Variants in BMAL2 observed in about 807,000 individuals in gnomAD.
BMAL2 encodes basic helix-loop-helix ARNT-like protein 2.
At chr12:27,375,055 T>C in the BMAL2 span, among the ~76,000 whole-genome samples, 2 of 152,194 alleles carry the variant, frequency 1.3e-5, no homozygotes, top group African/African-American at 4.8e-5. Flanking sequence ...TTTTTTTAAG[T>C]AGAAAAATAC....
the BMAL2 span, among the ~76,000 whole-genome samples, chr12:27,409,641 C>A: frequency 6.6e-6 from 1 of 152,114 alleles, no homozygotes; most frequent in African/African-American, 2.4e-5. Flanking sequence ...CCATGAAAAC[C>A]CTAGAAGAAA....
the BMAL2 span, among the ~76,000 whole-genome samples, chr12:27,406,316 G>A: frequency 6.6e-6 from 1 of 152,252 alleles, no homozygotes; most frequent in African/African-American, 2.4e-5. Flanking sequence ...TTGAAATGAA[G>A]GAAAAAATGT....
the BMAL2 span, among the ~76,000 whole-genome samples, chr12:27,339,995 A>G: frequency 6.6e-6 from 1 of 152,202 alleles, no homozygotes; most frequent in African/African-American, 2.4e-5. Flanking sequence ...GCTGGATATT[A>G]GATCTTTGTC....
the BMAL2 span, chr12:27,418,003 A>T: frequency 1.1e-6 from 1 of 895,584 alleles, no homozygotes; most frequent in Non-Finnish European, 1.6e-6. Flanking sequence ...AAAAAAATAA[A>T]AAATAAAAAG....
At chr12:27,409,072 C>T in the BMAL2 span, among the ~76,000 whole-genome samples, 1 of 152,050 alleles carries the variant, frequency 6.6e-6, no homozygotes, top group Non-Finnish European at 1.5e-5. Flanking sequence ...GAACTAGAAA[C>T]CACTGCTCAA....
At chr12:27,384,699 A>G in the BMAL2 span, among the ~76,000 whole-genome samples, 1 of 152,204 alleles carries the variant, frequency 6.6e-6, no homozygotes, top group Non-Finnish European at 1.5e-5. Context: ...AATCAGGCAT[A>G]TTAAGAGATT....
chr12:27,424,798 G>T, the BMAL2 span: 1 of 152,186 alleles, frequency 6.6e-6, no homozygotes. Context: ...CTGCTAAGTG[G>T]CCACTAGGTG....
the BMAL2 span, chr12:27,389,186 T>G: frequency 1.2e-6 from 2 of 1,605,534 alleles, no homozygotes; most frequent in South Asian, 1.1e-5. Context: ...TAGGCTAGTT[T>G]GACTGGACAA....
At chr12:27,420,000 C>T in the BMAL2 span, among the ~76,000 whole-genome samples, 20 of 144,062 alleles carry the variant, frequency 1.4e-4, no homozygotes, top group African/African-American at 5.0e-4. Context: ...TAAATTTTCT[C>T]CTTCCAGGGT....
chr12:27,334,181 C>G, the BMAL2 span, among the ~76,000 whole-genome samples: 2 of 152,076 alleles, frequency 1.3e-5, no homozygotes, highest in African/African-American at 4.8e-5. Context: ...TTAGGTAAAC[C>G]CTTTGTTGAA....
chr12:27,360,803 C>CAAAAAAAAAAAAA, the BMAL2 span, among the ~76,000 whole-genome samples: 86 of 46,790 alleles, frequency 1.8e-3, 19 homozygotes, highest in East Asian at 2.3e-3. Flanking sequence ...GTGATTTGTC[C>CAAAAAAAAAAAAA]AAAAAAAAAA....
the BMAL2 span, among the ~76,000 whole-genome samples, chr12:27,382,552 G>T: frequency 2.3e-4 from 35 of 152,178 alleles, no homozygotes; most frequent in African/African-American, 8.0e-4. Context: ...TTTTGCCTCA[G>T]CTCTGCTGAA....
At chr12:27,424,799 C>T in the BMAL2 span, 1 of 152,174 alleles carries the variant, frequency 6.6e-6, no homozygotes, top group Non-Finnish European at 1.5e-5. Context: ...TGCTAAGTGG[C>T]CACTAGGTGC....
At chr12:27,391,776 T>G in the BMAL2 span, among the ~76,000 whole-genome samples, 1 of 152,304 alleles carries the variant, frequency 6.6e-6, no homozygotes, top group Non-Finnish European at 1.5e-5. Flanking sequence ...CCCCCTACTC[T>G]GTGTTATACT....
the BMAL2 span, chr12:27,370,100 G>T: frequency 1.9e-6 from 3 of 1,540,054 alleles, no homozygotes; most frequent in South Asian, 1.1e-5. Flanking sequence ...ATCTGGGTAG[G>T]GGGTGACCCA....
chr12:27,390,399 G>T, the BMAL2 span: 1 of 727,888 alleles, frequency 1.4e-6, no homozygotes, highest in South Asian at 1.9e-5. Context: ...ACTTACATTT[G>T]TTCATCACAT....
chr12:27,380,357 A>T, the BMAL2 span: 1 of 1,614,168 alleles, frequency 6.2e-7, no homozygotes, highest in Non-Finnish European at 8.5e-7. Flanking sequence ...AAACTGGACA[A>T]ACTTACAGTT....
chr12:27,414,425 T>A, the BMAL2 span, among the ~76,000 whole-genome samples: 1 of 152,132 alleles, frequency 6.6e-6, no homozygotes, highest in Non-Finnish European at 1.5e-5. Context: ...TCTTAAAAAA[T>A]TTAAGAGCAT....
chr12:27,418,930 TGTCGTACTGCTGC>T, the BMAL2 span, among the ~76,000 whole-genome samples: 1 of 149,916 alleles, frequency 6.7e-6, no homozygotes, highest in Non-Finnish European at 1.5e-5. Flanking sequence ...AGTGAGCCAA[TGTCGTACTGCTGC>T]ACTCCAGCAT....
Sources: gnomAD v4.1 joint callset for allele counts (sites outside exome capture counted in the v4.1 genomes callset) on GRCh38, gnomAD v4.1.1 for gene constraint, MANE v1.5 for transcripts, NCBI Gene and HGNC (gene_info 2026-07-23, HGNC 2026-07-21) for gene names.